Variants in UBE2Q1 observed in about 807,000 individuals in gnomAD.
UBE2Q1 encodes the protein ubiquitin-conjugating enzyme E2 Q1.
In UBE2Q1, 6 loss-of-function variants were observed where a neutral mutation model predicts 60.1. The ratio of observed to expected loss-of-function variants is 0.10; its 90% CI spans 0.05 to 0.20. The LOEUF (loss-of-function observed/expected upper bound fraction) is 0.20, where lower values mean the gene tolerates loss of function less well. Among genes scored for constraint, UBE2Q1 ranks in the 10% least tolerant of loss-of-function variants. The pLI, the probability that UBE2Q1 is intolerant of heterozygous loss-of-function variation, is 1.00. For missense variants in UBE2Q1, 262 were observed against 525.8 expected, an observed-to-expected ratio of 0.50 and a Z score of 4.91; for synonymous variants, 226 against 208.3, an observed-to-expected ratio of 1.09 and a Z score of -0.73.
intron 1 of UBE2Q1, 83 bp from the exon 2 acceptor site, chr1:154,556,047 A>C: frequency 8.2e-7 from 1 of 1,224,208 alleles, no homozygotes; most frequent in African/African-American, 1.5e-5. Context: ...TCCCCCCAAG[A>C]CTTCTAGCCC....
chr1:154,553,212 A>G (rs1241730940), intron 4 of UBE2Q1, 40 bp from the exon 5 acceptor site: 1 of 1,592,348 alleles, frequency 6.3e-7, no homozygotes, highest in South Asian at 1.1e-5. Context: ...GAAAAGGAAA[A>G]AAACCGACAC....
At chr1:154,552,001 A>G (rs1301330812) in intron 8 of UBE2Q1, 22 bp from the exon 9 acceptor site, 2 of 1,614,098 alleles carry the variant, frequency 1.2e-6, no homozygotes, top group Non-Finnish European at 1.7e-6. Context: ...AGAGACGACA[A>G]TCAGGGGAGG....
Position 154,551,987 on chromosome 1 carries a change from A to G in UBE2Q1, c.967-8T>C, listed in dbSNP as rs1557844670. On this transcript the variant is annotated splice_polypyrimidine_tract_variant and splice_region_variant and intron_variant, in intron 8 of 12. Coordinates refer to ENST00000292211, the MANE Select transcript of UBE2Q1 (RefSeq NM_017582.7). ...GTCAAAGGGAAAGTTATCCTGAGAG[A>G]GAGAGAGACGACAATCAGGGGAGGG... is the stretch of plus-strand genomic sequence containing the variant. 6.2e-7 allele frequency: 1 copy of G among 1,614,166 alleles called. No homozygotes were observed. The highest frequency in any genetic ancestry group is 1.3e-5 in the African/African-American group (1 of 75,036).
intron 1 of UBE2Q1, 132 bp downstream of exon 1, chr1:154,558,095 C>A (rs1266707320): frequency 1.3e-5 from 9 of 685,938 alleles, no homozygotes. Flanking sequence ...ACAAATGTAA[C>A]CTGGAGAGAA....
chr1:154,554,155 G>A (rs896846007), intron 4 of UBE2Q1, among the ~76,000 whole-genome samples: 1 of 152,154 alleles, frequency 6.6e-6, no homozygotes, highest in Non-Finnish European at 1.5e-5. Flanking sequence ...TTTTATAGAT[G>A]CGGAAGCTGA....
In UBE2Q1 at chr1:154,558,289, G is replaced by A. The variant is rs375766283; in HGVS notation, c.265C>T (p.Pro89Ser). 7.0e-6 allele frequency: 11 copies of A among 1,581,048 alleles called. No homozygotes were observed. The African/African-American group carries it at 1.1e-4, about 16-fold the overall frequency. ...ACCGACCCCCGTGGGGGGAGATGCG[G>A]TCCGGGCGCGGCCCCCGCCCCGGCC... ...GGAGAGAAPG[P>S]HLPPRGSVPG... The change falls in exon 1 of 13, where the codon CCG (proline) becomes TCG (serine). Residue 89 changes from proline to serine, a missense_variant. Around this residue, in one of 5 missense-constraint regions of UBE2Q1, gnomAD observed 49 missense variants for 32.5 expected, o/e 1.51. Coordinates refer to ENST00000292211, the MANE Select transcript of UBE2Q1 (RefSeq NM_017582.7).
rs1007517520 is a variant in UBE2Q1 at position 154,548,628 on chromosome 1, T to G, written c.*1810A>C. The G allele has an allele frequency of 6.6e-6, 1 of 152,614 alleles. No individual in the cohort carries two copies. The highest frequency in any genetic ancestry group is 2.4e-5 in the African/African-American group (1 of 41,430). 9.5% of individuals were successfully genotyped at this position (152,614 alleles called of 1,614,324 possible). Reference sequence around the variant, plus strand: ...CCTTTGGTAGATGAGAAAAATACATTACAAAATACATTATACAGAAGACAG... The same window carrying G: ...CCTTTGGTAGATGAGAAAAATACATGACAAAATACATTATACAGAAGACAG... On this transcript the variant is annotated 3_prime_UTR_variant, in exon 13 of 13. Coordinates refer to ENST00000292211, the MANE Select transcript of UBE2Q1 (RefSeq NM_017582.7).
At chr1:154,553,254 C>T in intron 4 of UBE2Q1, 82 bp from the exon 5 acceptor site, 1 of 1,529,104 alleles carries the variant, frequency 6.5e-7, no homozygotes, top group South Asian at 1.2e-5. Context: ...CTTCCCAGTC[C>T]CATTTGGCGA....
rs1254285276 is a variant in UBE2Q1 at position 154,549,488 on chromosome 1, CT to C, written c.*949del. 2 of 152,666 alleles carry C rather than the reference CT, an allele frequency of 1.3e-5. No homozygotes were observed. The highest frequency in any genetic ancestry group is 3.8e-4 in the East Asian group (2 of 5,208). 9.5% of individuals were successfully genotyped at this position (152,666 alleles called of 1,614,324 possible). ...GCTTACCAATGATCACCATCCAGTG[CT>C]GGTTAGAAGCCACTTTCCAGGAGAG... On this transcript the variant is annotated 3_prime_UTR_variant, in exon 13 of 13. Coordinates refer to ENST00000292211, the MANE Select transcript of UBE2Q1 (RefSeq NM_017582.7).
rs1033010823 is a variant in UBE2Q1 at position 154,549,618 on chromosome 1, G to C, written c.*820C>G. On this transcript the variant is annotated 3_prime_UTR_variant, in exon 13 of 13. Transcript: ENST00000292211. ...CCATCCCCACTCAATTCATTCAAAA[G>C]GAATTCTACGAAGCAGCCTCTTGAG... 6.6e-6 allele frequency: 1 copy of C among 152,612 alleles called. No homozygotes were observed. The highest frequency in any genetic ancestry group is 2.4e-5 in the African/African-American group (1 of 41,432). 9.5% of individuals were successfully genotyped at this position (152,612 alleles called of 1,614,324 possible). A position where few individuals can be genotyped will look rare whatever the true frequency, so the allele number is the denominator to read the frequency against.
Position 154,551,347 on chromosome 1 carries a change from G to A in UBE2Q1, c.1170+50C>T, listed in dbSNP as rs1238215542. The stretch of plus-strand genomic sequence containing the variant: ...AGCCTTGGCCTGCTAGTGGCCCCAA[G>A]TGTACTTGGCTCCACCCAGCCCCAC... On this transcript the variant is annotated intron_variant, in intron 11 of 12. Coordinates refer to ENST00000292211, the MANE Select transcript of UBE2Q1 (RefSeq NM_017582.7). 4 of 1,587,744 alleles carry A rather than the reference G, an allele frequency of 2.5e-6. No individual in the cohort carries two copies. The African/African-American group carries it at 4.0e-5, about 16-fold the overall frequency.
chr1:154,556,261 C>T (rs1345999221), intron 1 of UBE2Q1, among the ~76,000 whole-genome samples: 8 of 152,104 alleles, frequency 5.3e-5, no homozygotes, highest in Non-Finnish European at 7.3e-5. Flanking sequence ...TGGCTAACAG[C>T]GAAGGGGGAC....
chr1:154,553,953 G>C (rs1695839936), intron 4 of UBE2Q1, among the ~76,000 whole-genome samples: 1 of 152,144 alleles, frequency 6.6e-6, no homozygotes, highest in African/African-American at 2.4e-5. Context: ...ATAGAACCTG[G>C]GATATTAATC....
chr1:154,552,268 C>G (rs979536621), intron 7 of UBE2Q1, 85 bp from the exon 8 acceptor site: 1 of 1,591,708 alleles, frequency 6.3e-7, no homozygotes, highest in African/African-American at 1.3e-5. Flanking sequence ...TGGCAGCAGA[C>G]CACGAAACCA....
At position 154,550,248 on chromosome 1, in the gene UBE2Q1, G is replaced by C; in HGVS notation, c.*190C>G. Reference sequence around the variant, plus strand: ...GTCTGTAAGTCAGTCTTGAGTACTTGAAACAGTTCTGTGTTTGTTTTTTTT... The same window carrying C: ...GTCTGTAAGTCAGTCTTGAGTACTTCAAACAGTTCTGTGTTTGTTTTTTTT... On this transcript the variant is annotated 3_prime_UTR_variant, in exon 13 of 13. Coordinates refer to ENST00000292211, the MANE Select transcript of UBE2Q1 (RefSeq NM_017582.7). 3 of 799,988 alleles carry C rather than the reference G, an allele frequency of 3.8e-6. No individual in the cohort carries two copies. The highest frequency in any genetic ancestry group is 2.4e-5 in the Admixed American group (1 of 41,022). 49.6% of individuals were successfully genotyped at this position (799,988 alleles called of 1,614,324 possible). A position where few individuals can be genotyped will look rare whatever the true frequency, so the allele number is the denominator to read the frequency against.
rs1695926984 is a variant in UBE2Q1, at chr1:154,558,263, C to G, written c.291G>C (p.Val97=). 2.6e-6 allele frequency: 4 copies of G among 1,566,916 alleles called. No individual in the cohort carries two copies. In the African/African-American group the frequency reaches 4.2e-5, roughly 17 times the overall value. ...PGPHLPPRGS[V]PGDPVRIHCN... ...AGTGGATGCGGACAGGATCCCCAGG[C>G]ACCGACCCCCGTGGGGGGAGATGCG... The change falls in exon 1 of 13, where the codon GTG becomes GTC. Residue 97 remains valine, a synonymous_variant. Transcript: ENST00000292211.
Position 154,558,612 on chromosome 1 carries a change from G to GCGCCGCCGCCGC in UBE2Q1, c.-60_-59insGCGGCGGCGGCG, listed in dbSNP as rs1486825151. The GCGCCGCCGCCGC allele has an allele frequency of 2.1e-6, 2 of 946,212 alleles. No homozygotes were observed. Among genetic ancestry groups the GCGCCGCCGCCGC allele is most frequent in the African/African-American group, 5.0e-5 (2 of 40,384 alleles). 58.6% of individuals were successfully genotyped at this position (946,212 alleles called of 1,614,324 possible). On this transcript the variant is annotated 5_prime_UTR_variant, in exon 1 of 13. Coordinates refer to ENST00000292211, the MANE Select transcript of UBE2Q1 (RefSeq NM_017582.7). The stretch of plus-strand genomic sequence containing the variant: ...CGGGAGCCTCCGGCCTGCGCTCCGG[G>GCGCCGCCGCCGC]CTCCGCCGCCGCCGCCGCCGCCGCC...
chr1:154,549,137 TACAG>T lies in UBE2Q1; in HGVS notation c.*1297_*1300del, dbSNP rs1695748747. 1 of 152,214 alleles carries T rather than the reference TACAG, an allele frequency of 6.6e-6. No homozygotes were observed. Among genetic ancestry groups the T allele is most frequent in the African/African-American group, 2.4e-5 (1 of 41,444 alleles). The allele number at this position is 152,214 out of a possible 1,614,324, so 9.4% of individuals were successfully genotyped here. On this transcript the variant is annotated 3_prime_UTR_variant, in exon 13 of 13. Coordinates refer to ENST00000292211, the MANE Select transcript of UBE2Q1 (RefSeq NM_017582.7). Reference sequence around the variant, plus strand: ...AAGAGGCTGAGTCCCAGAGCAAGCTTACAGACAAAGAGATGCAGGCAGCACCCGC... The same window carrying T: ...AAGAGGCTGAGTCCCAGAGCAAGCTTACAAAGAGATGCAGGCAGCACCCGC...
chr1:154,556,982 A>G (rs1695900923), intron 1 of UBE2Q1, among the ~76,000 whole-genome samples: 1 of 152,352 alleles, frequency 6.6e-6, no homozygotes, highest in South Asian at 2.1e-4. Context: ...ATAATTATCA[A>G]AGATGCCCAA....
Sources: allele counts gnomAD v4.1 joint callset (sites outside exome capture counted in the v4.1 genomes callset), GRCh38; gene constraint gnomAD v4.1.1; regional missense constraint gnomAD v4.1.1; transcripts MANE v1.5; gene names NCBI Gene and HGNC (gene_info 2026-07-23, HGNC 2026-07-21).